SCNN1G: variants seen among roughly 807,000 people sequenced by gnomAD.
SCNN1G encodes the protein epithelial sodium channel subunit gamma.
A neutral mutation model predicts 64.6 loss-of-function variants in SCNN1G; 27 were observed. The observed-to-expected ratio is 0.42, with a 90% CI of 0.31 to 0.58. SCNN1G has a LOEUF of 0.58. Ranked by LOEUF, SCNN1G falls within the 20% of genes least tolerant of loss-of-function variation. SCNN1G has a pLI of 0.18. For missense variants in SCNN1G, 743 were observed against 823.4 expected (o/e 0.90, Z 1.19); for synonymous variants, 330 against 314.2 (o/e 1.05, Z -0.53).
intron 3 of SCNN1G, among the ~76,000 whole-genome samples, chr16:23,190,345 A>C (rs1959687517): frequency 6.7e-6 from 1 of 149,322 alleles, no homozygotes; most frequent in South Asian, 2.2e-4. Flanking sequence ...AAACAACTGA[A>C]ACTGATTCAG....
At chr16:23,204,435 A>C (rs2141939967) in intron 6 of SCNN1G, among the ~76,000 whole-genome samples, 1 of 143,908 alleles carries the variant, frequency 6.9e-6, no homozygotes, top group East Asian at 2.0e-4. Flanking sequence ...TTGAGTGAAA[A>C]AGGAAAAAGA....
chr16:23,192,663 A>C, intron 4 of SCNN1G, 121 bp downstream of exon 4: 1 of 799,806 alleles, frequency 1.3e-6, no homozygotes, highest in Admixed American at 2.0e-5. Flanking sequence ...CTTCTCACTG[A>C]TGCTGCCTTT....
chr16:23,211,435 G>A (rs887335917), intron 7 of SCNN1G, among the ~76,000 whole-genome samples: 4 of 152,140 alleles, frequency 2.6e-5, no homozygotes, highest in Admixed American at 2.0e-4. Context: ...TTATCTTTGT[G>A]TTGGCACCCA....
At chr16:23,204,334 T>TATATAGAGAGAG (rs1567267153) in intron 6 of SCNN1G, among the ~76,000 whole-genome samples, 1 of 15,176 alleles carries the variant, frequency 6.6e-5, no homozygotes, top group Non-Finnish European at 1.1e-4. Context: ...TATATATATA[T>TATATAGAGAGAG]AGAGAGAGAG....
intron 6 of SCNN1G, among the ~76,000 whole-genome samples, chr16:23,206,883 T>G (rs879782303): frequency 1.3e-5 from 2 of 152,110 alleles, no homozygotes; most frequent in Non-Finnish European, 2.9e-5. Context: ...ACACTCTTTT[T>G]TGTGTGTCCC....
chr16:23,184,934 C>A (rs937468535), intron 1 of SCNN1G, among the ~76,000 whole-genome samples: 5 of 152,176 alleles, frequency 3.3e-5, no homozygotes, highest in African/African-American at 9.7e-5. Context: ...CCCCCACCCC[C>A]AATACTAGTG....
chr16:23,189,747 C>T (rs993062515), intron 3 of SCNN1G, 76 bp downstream of exon 3: 18 of 1,373,594 alleles, frequency 1.3e-5, no homozygotes, highest in Middle Eastern at 1.8e-4. Context: ...TCTCCTTGAC[C>T]ACTAGCCCCT....
At chr16:23,199,385 T>C (rs1485601130) in intron 6 of SCNN1G, among the ~76,000 whole-genome samples, 2 of 152,174 alleles carry the variant, frequency 1.3e-5, no homozygotes, top group African/African-American at 4.8e-5. Context: ...ATTAGGTCAT[T>C]TCAGGCACAA....
Position 23,192,395 on chromosome 16 carries a change from C to T in SCNN1G, c.662C>T (p.Ser221Leu), listed in dbSNP as rs533858031. 30 of 1,614,096 alleles carry T rather than the reference C, an allele frequency of 1.9e-5. No individual in the cohort carries two copies. Among genetic ancestry groups the T allele is most frequent in the Admixed American group, 8.3e-5 (5 of 60,008 alleles). The change falls in exon 4 of 13, where the codon TCG becomes TTG. Residue 221 changes from serine (S) to leucine (L), a missense_variant. Coordinates refer to ENST00000300061, the MANE Select transcript of SCNN1G (RefSeq NM_001039.4). ...GACTGTGCCACCTACACCTTCAGCT[C>T]GGGAATCAATGCCATTCAGGAGTGG... is the stretch of plus-strand genomic sequence containing the variant. ...TSDCATYTFS[S>L]GINAIQEWYK...
chr16:23,214,214 A>T (rs1348893350), intron 11 of SCNN1G, among the ~76,000 whole-genome samples: 7 of 152,228 alleles, frequency 4.6e-5, no homozygotes, highest in Non-Finnish European at 8.8e-5. Flanking sequence ...CGAAATGAGG[A>T]TGATGAAAAT....
intron 6 of SCNN1G, among the ~76,000 whole-genome samples, chr16:23,201,245 C>A (rs1005297302): frequency 5.3e-5 from 8 of 152,188 alleles, no homozygotes; most frequent in African/African-American, 1.9e-4. Context: ...GGATTTGCAG[C>A]GCATCCTTCC....
intron 6 of SCNN1G, among the ~76,000 whole-genome samples, chr16:23,204,422 A>G (rs1377187805): frequency 7.0e-6 from 1 of 141,936 alleles, no homozygotes; most frequent in African/African-American, 2.6e-5. Context: ...AGGAAAAATA[A>G]CTTTGAGTGA....
intron 12 of SCNN1G, 43 bp from the exon 13 acceptor site, chr16:23,215,046 G>A (rs553738022): frequency 3.0e-5 from 49 of 1,612,924 alleles, no homozygotes; most frequent in Admixed American, 1.0e-4. Flanking sequence ...GGCCAACTTG[G>A]GGGGAGGTTC....
At chr16:23,197,037 A>G (rs1319495610) in intron 5 of SCNN1G, among the ~76,000 whole-genome samples, 1 of 152,210 alleles carries the variant, frequency 6.6e-6, no homozygotes, top group Non-Finnish European at 1.5e-5. Context: ...TGACAGTAAT[A>G]CTGTGTTTGA....
chr16:23,215,637 G>C lies in SCNN1G; in HGVS notation c.*168G>C. 2.8e-6 allele frequency: 2 copies of C among 716,238 alleles called. No individual in the cohort carries two copies. The highest frequency in any genetic ancestry group is 2.3e-5 in the Admixed American group (1 of 43,882). The allele number at this position is 716,238 out of a possible 1,614,324, so 44.4% of individuals were successfully genotyped here. ...ACCGCAAGATGGGGCCTGGGCATGCGCAGGAGGAGCCATCGGGTACTACGC... is the reference window on the plus strand; with the variant it reads ...ACCGCAAGATGGGGCCTGGGCATGCCCAGGAGGAGCCATCGGGTACTACGC... On this transcript the variant is annotated 3_prime_UTR_variant, in exon 13 of 13. Coordinates refer to ENST00000300061, the MANE Select transcript of SCNN1G (RefSeq NM_001039.4).
intron 5 of SCNN1G, among the ~76,000 whole-genome samples, chr16:23,195,769 A>G (rs1320674559): frequency 9.6e-6 from 1 of 104,380 alleles, no homozygotes; most frequent in Non-Finnish European, 2.1e-5. Context: ...TTGTTTACAC[A>G]TTGTTTGCAA....
At chr16:23,187,401 ACC>A (rs1959631202) in intron 2 of SCNN1G, among the ~76,000 whole-genome samples, 1 of 152,034 alleles carries the variant, frequency 6.6e-6, no homozygotes, top group African/African-American at 2.4e-5. Flanking sequence ...GAACCACCAC[ACC>A]CACTCCATCA....
chr16:23,191,113 G>A (rs1959701737), intron 3 of SCNN1G, among the ~76,000 whole-genome samples: 1 of 152,034 alleles, frequency 6.6e-6, no homozygotes, highest in South Asian at 2.1e-4. Flanking sequence ...CCAAACTGCT[G>A]AGATTACAGG....
intron 3 of SCNN1G, 64 bp from the exon 4 acceptor site, chr16:23,192,288 T>C (rs1292211877): frequency 3.8e-6 from 5 of 1,304,508 alleles, no homozygotes; most frequent in East Asian, 2.3e-5. Flanking sequence ...CTCATTCTTA[T>C]GGTCCTTCTG....
Sources: gnomAD v4.1 joint callset for allele counts (sites outside exome capture counted in the v4.1 genomes callset) on GRCh38, gnomAD v4.1.1 for gene constraint, MANE v1.5 for transcripts, NCBI Gene and HGNC (gene_info 2026-07-23, HGNC 2026-07-21) for gene names.